TTLL11: variants seen among roughly 807,000 people sequenced by gnomAD.
TTLL11 encodes the protein tubulin tyrosine ligase like 11.
In TTLL11, 42 loss-of-function variants were observed where a neutral mutation model predicts 51.7. That is an observed-to-expected ratio of 0.81 (90% confidence interval 0.64 to 1.05). The LOEUF is 1.05. Among genes scored for constraint, TTLL11 ranks in the 50% least tolerant of loss-of-function variants. The probability of loss-of-function intolerance (pLI) is 0.00; values close to 1 mark genes in which losing one functional copy is unlikely to be tolerated. For missense variants in TTLL11, 799 were observed against 940.4 expected (o/e 0.85, Z 1.97); for synonymous variants, 381 against 383.5 (o/e 0.99, Z 0.08).
At chr9:122,007,470 C>T (rs1241086058) in intron 3 of TTLL11, among the ~76,000 whole-genome samples, 1 of 121,330 alleles carries the variant, frequency 8.2e-6, no homozygotes, top group African/African-American at 3.1e-5. Context: ...AGTGAAATTC[C>T]ATCTCAAAAA....
Position 121,974,937 on chromosome 9 carries a change from T to G in TTLL11, c.1312A>C (p.Ile438Leu). The G allele has an allele frequency of 6.5e-7, 1 of 1,539,490 alleles. No homozygotes were observed. Among genetic ancestry groups the G allele is most frequent in the Non-Finnish European group, 8.7e-7 (1 of 1,144,522 alleles). The change falls in exon 5 of 9, where the codon ATA (isoleucine) becomes CTA (leucine). Residue 438 changes from isoleucine (I) to leucine (L), a missense_variant. Coordinates refer to ENST00000321582, the MANE Select transcript of TTLL11 (RefSeq NM_001139442.2). ...DILLMKNLKP[I>L]LLEVNANPSM... ...GGATTTGCATTTACTTCAAGTAGTATAGGCTTCAGATTTTTCATTAGAAGA... is the reference window on the plus strand; with the variant it reads ...GGATTTGCATTTACTTCAAGTAGTAGAGGCTTCAGATTTTTCATTAGAAGA...
chr9:121,883,960 A>G (rs1838897514), intron 6 of TTLL11, among the ~76,000 whole-genome samples: 1 of 152,214 alleles, frequency 6.6e-6, no homozygotes, highest in Admixed American at 6.5e-5. Context: ...CTTACTGAGC[A>G]TCAGTTTCCT....
At chr9:122,092,455 G>A (rs916471181) in intron 1 of TTLL11, among the ~76,000 whole-genome samples, 2 of 152,326 alleles carry the variant, frequency 1.3e-5, no homozygotes, top group Middle Eastern at 3.4e-3. Context: ...GGAGGCAGAG[G>A]AGTGAGTGGC....
At chr9:122,013,530 T>C (rs1459306904) in intron 3 of TTLL11, among the ~76,000 whole-genome samples, 1 of 152,186 alleles carries the variant, frequency 6.6e-6, no homozygotes, top group Non-Finnish European at 1.5e-5. Flanking sequence ...TTGATAGATA[T>C]GAATCTTTCT....
intron 3 of TTLL11, among the ~76,000 whole-genome samples, chr9:121,990,023 C>A (rs1355481777): frequency 1.3e-5 from 2 of 152,196 alleles, no homozygotes; most frequent in East Asian, 3.8e-4. Context: ...GACCTGGGTT[C>A]AAATCCTGTT....
rs965303542 is a variant in TTLL11, at chr9:121,822,720, G to A, written c.2000C>T (p.Pro667Leu). The change falls in exon 9 of 9, where the codon CCG becomes CTG. Residue 667 changes from proline to leucine, a missense_variant. By Grantham distance (98) the Pro-to-Leu change is moderately conservative. Around this residue, in one of 3 missense-constraint regions of TTLL11, gnomAD observed 165 missense variants for 166.1 expected, o/e 0.99. Transcript: ENST00000321582. The surrounding 1 kb of genome is among the most constrained non-coding windows in gnomAD (Gnocchi z 5.8). Reference protein sequence around the residue: ...EKRLVCGRGVPSGGRPPHRGP... With the variant: ...EKRLVCGRGVLSGGRPPHRGP... ...ACGGTGTGGGGGCCGGCCCCCCGAC[G>A]GGACGCCCCGGCCACACACCAGGCG... 4.5e-6 allele frequency: 7 copies of A among 1,550,888 alleles called. No individual in the cohort carries two copies. Among genetic ancestry groups the A allele is most frequent in the African/African-American group, 4.1e-5 (3 of 73,040 alleles).
intron 6 of TTLL11, among the ~76,000 whole-genome samples, chr9:121,909,651 C>A (rs1840046640): frequency 6.6e-6 from 1 of 152,108 alleles, no homozygotes; most frequent in Non-Finnish European, 1.5e-5. Flanking sequence ...ACTAGAGACA[C>A]AAAGCAGAAC....
chr9:121,897,925 T>TC (rs1294387573), intron 6 of TTLL11, among the ~76,000 whole-genome samples: 1 of 148,336 alleles, frequency 6.7e-6, no homozygotes, highest in African/African-American at 2.5e-5. Context: ...CTTCTATTCT[T>TC]TTTTTTTTTT....
intron 6 of TTLL11, among the ~76,000 whole-genome samples, chr9:121,968,972 C>T (rs984378246): frequency 2.0e-5 from 3 of 152,012 alleles, no homozygotes; most frequent in East Asian, 1.9e-4. Flanking sequence ...CAGGTTCAAG[C>T]GATTCTCCTG....
At chr9:121,937,425 T>C (rs1841279208) in intron 6 of TTLL11, among the ~76,000 whole-genome samples, 1 of 152,202 alleles carries the variant, frequency 6.6e-6, no homozygotes, top group South Asian at 2.1e-4. Context: ...GGGGCCAGAA[T>C]TTGCATGCAA....
chr9:121,976,561 G>A (rs1318533676), intron 4 of TTLL11, among the ~76,000 whole-genome samples: 2 of 152,160 alleles, frequency 1.3e-5, no homozygotes, highest in Non-Finnish European at 2.9e-5. Flanking sequence ...TAGGGTTGTA[G>A]ACTCCCCTTC....
chr9:121,837,929 G>C (rs998896647), intron 8 of TTLL11, among the ~76,000 whole-genome samples: 1 of 152,034 alleles, frequency 6.6e-6, no homozygotes, highest in African/African-American at 2.4e-5. Context: ...GTTTCATCTC[G>C]CTCTCCTGCT....
At chr9:121,927,436 A>C (rs1286279727) in intron 6 of TTLL11, among the ~76,000 whole-genome samples, 1 of 152,178 alleles carries the variant, frequency 6.6e-6, no homozygotes, top group African/African-American at 2.4e-5. Context: ...ATCCTCTATA[A>C]ACACCCTCTC....
intron 6 of TTLL11, among the ~76,000 whole-genome samples, chr9:121,937,574 C>CA (rs1564315119): frequency 6.6e-6 from 1 of 151,012 alleles, no homozygotes; most frequent in Non-Finnish European, 1.5e-5. Flanking sequence ...TATTCCCCCC[C>CA]ACCCTTCTCT....
intron 1 of TTLL11, among the ~76,000 whole-genome samples, chr9:122,073,435 A>G (rs1439670890): frequency 6.6e-6 from 1 of 152,114 alleles, no homozygotes; most frequent in Non-Finnish European, 1.5e-5. Flanking sequence ...ATAAAATAAA[A>G]TCTTGTGGGA....
At chr9:121,957,517 A>C (rs1462771055) in intron 6 of TTLL11, among the ~76,000 whole-genome samples, 1 of 152,172 alleles carries the variant, frequency 6.6e-6, no homozygotes, top group African/African-American at 2.4e-5. Context: ...GAGTTTGCAG[A>C]AAATACTGTG....
rs1302540143 is a variant in TTLL11, at chr9:121,831,697, C to T, written c.1841-8818G>A. On this transcript the variant is annotated intron_variant, in intron 8 of 8. Coordinates refer to ENST00000321582, the MANE Select transcript of TTLL11 (RefSeq NM_001139442.2). ...CCTGGGCAAGAGAGAGAGACTCTGT[C>T]TCAAAAAAAAAAAAAAAAGAATGGT... Among the ~76,000 whole-genome samples, 5 of 88,500 alleles carry T rather than the reference C, an allele frequency of 5.6e-5. No homozygotes were observed. In the South Asian group the frequency reaches 1.4e-3, roughly 25 times the overall value. 58.1% of individuals were successfully genotyped at this position (88,500 alleles called of 152,430 possible).
chr9:122,053,638 G>A (rs1244595511), intron 1 of TTLL11, among the ~76,000 whole-genome samples: 1 of 152,152 alleles, frequency 6.6e-6, no homozygotes, highest in Non-Finnish European at 1.5e-5. Context: ...TGGGAGAAAG[G>A]GGAGGGAGCA....
At chr9:121,839,281 C>T (rs987127107) in intron 8 of TTLL11, among the ~76,000 whole-genome samples, 2 of 152,236 alleles carry the variant, frequency 1.3e-5, no homozygotes, top group Non-Finnish European at 2.9e-5. Context: ...CATCCCTGCA[C>T]GTCCCCATCA....
Sources: allele counts gnomAD v4.1 joint callset (sites outside exome capture counted in the v4.1 genomes callset), GRCh38; gene constraint gnomAD v4.1.1; regional missense constraint gnomAD v4.1.1; non-coding constraint Gnocchi (gnomAD v3.1); transcripts MANE v1.5; gene names NCBI Gene and HGNC (gene_info 2026-07-23, HGNC 2026-07-21).